SYNDIG1L: variants seen among roughly 807,000 people sequenced by gnomAD.
SYNDIG1L encodes the protein synapse differentiation-inducing gene protein 1-like.
SYNDIG1L carries 13 observed loss-of-function variants against 20.1 expected under a neutral mutation model. That is an observed-to-expected ratio of 0.65 (90% CI 0.42 to 1.03). The LOEUF (loss-of-function observed/expected upper bound fraction) is 1.03. SYNDIG1L is among the 50% of genes least tolerant of loss of function. The probability of loss-of-function intolerance (pLI) is 0.00; values close to 1 mark genes in which losing one functional copy is unlikely to be tolerated. For synonymous variants in SYNDIG1L, 128 were observed against 129.3 expected, an observed-to-expected ratio of 0.99 and a Z score of 0.07; for missense variants, 294 against 305.1, an observed-to-expected ratio of 0.96 and a Z score of 0.27.
the SYNDIG1L span, among the ~76,000 whole-genome samples, chr14:74,462,568 T>G: frequency 6.6e-6 from 1 of 151,016 alleles, no homozygotes; most frequent in Non-Finnish European, 1.5e-5. Context: ...TGCAATGGTA[T>G]GATCATGGCT....
chr14:74,420,039 A>G (rs1043916802), intron 1 of SYNDIG1L, among the ~76,000 whole-genome samples: 7 of 152,056 alleles, frequency 4.6e-5, no homozygotes, highest in Middle Eastern at 3.2e-3. Flanking sequence ...GCGGCAGGGG[A>G]TAGAAAGGAT....
intron 2 of SYNDIG1L, 42 bp downstream of exon 2, chr14:74,409,286 G>A: frequency 7.4e-7 from 1 of 1,349,130 alleles, no homozygotes; most frequent in Non-Finnish European, 9.8e-7. Context: ...GTCTCCTTGT[G>A]TTGCTCATGC....
upstream of SYNDIG1L, among the ~76,000 whole-genome samples, chr14:74,426,504 G>C (rs1157675811): frequency 6.6e-6 from 1 of 152,130 alleles, no homozygotes; most frequent in African/African-American, 2.4e-5. Flanking sequence ...TGGGCTTCTT[G>C]AAGCATTTTG....
the SYNDIG1L span, among the ~76,000 whole-genome samples, chr14:74,468,425 C>T: frequency 6.6e-6 from 1 of 152,056 alleles, no homozygotes; most frequent in South Asian, 2.1e-4. Flanking sequence ...GCCTCTGTCT[C>T]TCCCTCATTT....
the SYNDIG1L span, among the ~76,000 whole-genome samples, chr14:74,465,002 G>T: frequency 2.0e-5 from 3 of 152,314 alleles, no homozygotes; most frequent in African/African-American, 7.2e-5. Flanking sequence ...TCCCCATGTG[G>T]GGAAGAGGGT....
chr14:74,438,409 G>A, the SYNDIG1L span, among the ~76,000 whole-genome samples: 1 of 152,170 alleles, frequency 6.6e-6, no homozygotes, highest in Non-Finnish European at 1.5e-5. Flanking sequence ...AACTTTCTAA[G>A]CTTGTAAATT....
At chr14:74,440,761 T>G in the SYNDIG1L span, among the ~76,000 whole-genome samples, 1 of 152,192 alleles carries the variant, frequency 6.6e-6, no homozygotes, top group Non-Finnish European at 1.5e-5. Context: ...CACTATTTTT[T>G]TTTAAAGACG....
intron 1 of SYNDIG1L, among the ~76,000 whole-genome samples, chr14:74,414,250 G>A (rs927806685): frequency 4.6e-5 from 7 of 152,186 alleles, no homozygotes; most frequent in Non-Finnish European, 4.4e-5. Context: ...GCACGCACAC[G>A]TGTGTGTGTA....
At chr14:74,432,553 A>G in the SYNDIG1L span, among the ~76,000 whole-genome samples, 22 of 152,304 alleles carry the variant, frequency 1.4e-4, no homozygotes, top group East Asian at 9.7e-4. Context: ...AGAGAGAGGT[A>G]CAATAGAGGT....
At chr14:74,434,579 G>A in the SYNDIG1L span, among the ~76,000 whole-genome samples, 2 of 152,104 alleles carry the variant, frequency 1.3e-5, no homozygotes, top group Admixed American at 1.3e-4. Flanking sequence ...ATCAAGGCAA[G>A]CTGGAACATC....
chr14:74,448,565 A>G, the SYNDIG1L span, among the ~76,000 whole-genome samples: 2 of 152,164 alleles, frequency 1.3e-5, no homozygotes, highest in Admixed American at 1.3e-4. Flanking sequence ...TAATACAGCA[A>G]CCTCTTCTAT....
intron 1 of SYNDIG1L, among the ~76,000 whole-genome samples, chr14:74,412,880 GC>G (rs1489779345): frequency 6.6e-6 from 1 of 152,136 alleles, no homozygotes; most frequent in African/African-American, 2.4e-5. Context: ...CCTTCAACCT[GC>G]AGCCTCGAGT....
At chr14:74,456,472 G>A in the SYNDIG1L span, among the ~76,000 whole-genome samples, 1 of 152,126 alleles carries the variant, frequency 6.6e-6, no homozygotes, top group Non-Finnish European at 1.5e-5. Flanking sequence ...GGAGGTTGCA[G>A]TGAGCTGAGA....
At chr14:74,457,981 G>T in the SYNDIG1L span, among the ~76,000 whole-genome samples, 1 of 151,616 alleles carries the variant, frequency 6.6e-6, no homozygotes. Context: ...TTTATTTTTT[G>T]TAGAGATGAG....
At chr14:74,438,509 T>A in the SYNDIG1L span, among the ~76,000 whole-genome samples, 4 of 152,170 alleles carry the variant, frequency 2.6e-5, no homozygotes, top group East Asian at 5.8e-4. Context: ...CCCTCAAAGG[T>A]TCACAGGCAG....
intron 1 of SYNDIG1L, among the ~76,000 whole-genome samples, chr14:74,424,460 G>T (rs1356293538): frequency 6.6e-6 from 1 of 152,014 alleles, no homozygotes; most frequent in East Asian, 1.9e-4. Context: ...ACAAAGAGAT[G>T]AAAACAACAC....
chr14:74,444,657 G>A, the SYNDIG1L span, among the ~76,000 whole-genome samples: 20 of 151,974 alleles, frequency 1.3e-4, no homozygotes, highest in East Asian at 3.9e-4. Flanking sequence ...AGGCTGAGGT[G>A]GGAGGATCAC....
At chr14:74,420,241 A>T (rs2086210672) in intron 1 of SYNDIG1L, among the ~76,000 whole-genome samples, 1 of 151,922 alleles carries the variant, frequency 6.6e-6, no homozygotes, top group Non-Finnish European at 1.5e-5. Context: ...TACTAACAAC[A>T]CAAAATTAAC....
chr14:74,419,285 C>T (rs2086202465), intron 1 of SYNDIG1L, among the ~76,000 whole-genome samples: 1 of 152,154 alleles, frequency 6.6e-6, no homozygotes, highest in Admixed American at 6.5e-5. Flanking sequence ...CATTCATTAG[C>T]GTCTTTCTCC....
Sources: allele counts gnomAD v4.1 joint callset (sites outside exome capture counted in the v4.1 genomes callset), GRCh38; gene constraint gnomAD v4.1.1; transcripts MANE v1.5; gene names NCBI Gene and HGNC (gene_info 2026-07-23, HGNC 2026-07-21).